Variants in CCDC81 observed in about 807,000 individuals in gnomAD.
CCDC81 encodes the protein coiled-coil domain containing 81.
Under a neutral mutation model 83.7 loss-of-function variants are expected in CCDC81, and 79 were observed. The observed-to-expected ratio is 0.94, with a 90% CI of 0.79 to 1.14. CCDC81 has a LOEUF of 1.14. Among genes scored for constraint, CCDC81 ranks in the 50% most tolerant of loss-of-function variants. CCDC81 has a pLI of 0.00. For synonymous variants in CCDC81, 252 were observed against 278.1 expected (o/e 0.91, Z 0.93); for missense variants, 791 against 778.1 (o/e 1.02, Z -0.20).
intron 13 of CCDC81, among the ~76,000 whole-genome samples, chr11:86,418,515 A>G (rs1461706600): frequency 2.0e-5 from 3 of 152,228 alleles, no homozygotes; most frequent in African/African-American, 7.2e-5. Flanking sequence ...TATACACTGT[A>G]CAATGGAATT....
Position 86,414,772 on chromosome 11 carries a change from T to G in CCDC81, c.1392-17T>G. 6.3e-7 allele frequency: 1 copy of G among 1,585,630 alleles called. No homozygotes were observed. Among genetic ancestry groups the G allele is most frequent in the Non-Finnish European group, 8.6e-7 (1 of 1,166,962 alleles). On this transcript the variant is annotated splice_polypyrimidine_tract_variant and intron_variant, in intron 11 of 14. Coordinates refer to ENST00000445632, the MANE Select transcript of CCDC81 (RefSeq NM_001156474.2). ...CTGCAAAACTGTGGTCCATCTTCTC[T>G]TGTTCTTAACTGCCAGACTTGCTGC...
chr11:86,386,663 T>C (rs2138500694), intron 2 of CCDC81, among the ~76,000 whole-genome samples: 1 of 152,326 alleles, frequency 6.6e-6, no homozygotes, highest in African/African-American at 2.4e-5. Context: ...CATTCAGAGG[T>C]CCTACTATGA....
chr11:86,400,445 G>A (rs548599576), intron 6 of CCDC81, among the ~76,000 whole-genome samples: 1 of 152,144 alleles, frequency 6.6e-6, no homozygotes, highest in Non-Finnish European at 1.5e-5. Context: ...GTTATATCCA[G>A]CCCACTTCCT....
intron 1 of CCDC81, among the ~76,000 whole-genome samples, chr11:86,382,264 T>C (rs1948186556): frequency 6.6e-6 from 1 of 152,150 alleles, no homozygotes; most frequent in South Asian, 2.1e-4. Context: ...AGAATACCTA[T>C]AGCAATAGTC....
chr11:86,421,931 A>C (rs576759), intron 14 of CCDC81, among the ~76,000 whole-genome samples: 1 of 148,998 alleles, frequency 6.7e-6, no homozygotes, highest in African/African-American at 2.5e-5. Flanking sequence ...AAAAAAATCC[A>C]CCCATGGAGA....
intron 4 of CCDC81, among the ~76,000 whole-genome samples, chr11:86,394,021 C>T (rs1948369918): frequency 6.6e-6 from 1 of 152,126 alleles, no homozygotes; most frequent in Non-Finnish European, 1.5e-5. Context: ...GTGTTTTCTA[C>T]ACAATCTGGT....
intron 6 of CCDC81, among the ~76,000 whole-genome samples, chr11:86,399,110 C>T (rs553850525): frequency 5.3e-5 from 8 of 152,262 alleles, no homozygotes; most frequent in African/African-American, 1.2e-4. Flanking sequence ...TAAAAGTTGA[C>T]GACTTTTGTT....
chr11:86,396,106 C>A (rs1022315322), intron 5 of CCDC81, among the ~76,000 whole-genome samples: 1 of 152,110 alleles, frequency 6.6e-6, no homozygotes, highest in African/African-American at 2.4e-5. Flanking sequence ...TGTCCTTGCT[C>A]GGATTTTTAC....
In CCDC81 at chr11:86,413,117, G is replaced by C. The variant is rs567397411; in HGVS notation, c.1391+558G>C. On this transcript the variant is annotated intron_variant, in intron 11 of 14. Coordinates refer to ENST00000445632, the MANE Select transcript of CCDC81 (RefSeq NM_001156474.2). ...CAGAAAGGAGATGGTATTCCCCTGA[G>C]TCGGGCTGCTGTGCGGCCCGGGTTC... 2.0e-5 allele frequency among the ~76,000 whole-genome samples: 3 copies of C among 152,252 alleles called. No homozygotes were observed. The South Asian group carries it at 6.2e-4, about 32-fold the overall frequency.
In CCDC81 at chr11:86,374,997, GAA is replaced by G; in HGVS notation, c.-163_-162del. 2.8e-6 allele frequency: 2 copies of G among 707,172 alleles called. No individual in the cohort carries two copies. The highest frequency in any genetic ancestry group is 3.1e-5 in the South Asian group (2 of 65,410). 43.8% of individuals were successfully genotyped at this position (707,172 alleles called of 1,614,324 possible). ...ATGTTTAAGTTTATTTAAGAAAGAA[GAA>G]AAAGAGTCAAGAAGTTCAAGATTTT... On this transcript the variant is annotated 5_prime_UTR_variant, in exon 1 of 15. Coordinates refer to ENST00000445632, the MANE Select transcript of CCDC81 (RefSeq NM_001156474.2).
intron 14 of CCDC81, among the ~76,000 whole-genome samples, chr11:86,421,910 C>CAAAA (rs558739434): frequency 5.6e-4 from 53 of 94,126 alleles, no homozygotes; most frequent in African/African-American, 1.6e-3. Flanking sequence ...GACCTAGTCT[C>CAAAA]AAAAAAAAAA....
At chr11:86,407,356 T>G (rs961819067) in intron 7 of CCDC81, among the ~76,000 whole-genome samples, 2 of 152,192 alleles carry the variant, frequency 1.3e-5, no homozygotes, top group African/African-American at 4.8e-5. Flanking sequence ...TTCACATGAC[T>G]GGTAACTGGG....
chr11:86,405,815 C>T (rs1258202317), intron 7 of CCDC81, among the ~76,000 whole-genome samples: 12 of 146,528 alleles, frequency 8.2e-5, no homozygotes, highest in East Asian at 7.9e-4. Flanking sequence ...CAGGCTGGAG[C>T]GCAGTGGCGT....
intron 1 of CCDC81, among the ~76,000 whole-genome samples, chr11:86,381,424 G>C (rs1565756995): frequency 6.6e-6 from 1 of 152,154 alleles, no homozygotes; most frequent in Non-Finnish European, 1.5e-5. Flanking sequence ...TGGGAATCTG[G>C]TTGAGCTCTG....
chr11:86,412,833 C>T (rs755404297), intron 11 of CCDC81, among the ~76,000 whole-genome samples: 8 of 152,098 alleles, frequency 5.3e-5, no homozygotes, highest in Non-Finnish European at 1.0e-4. Context: ...TCTGGCCACA[C>T]GGCAGTATCT....
At position 86,375,086 on chromosome 11, in the gene CCDC81, A is replaced by G. The variant is rs1190112580; in HGVS notation, c.-78A>G. 8 of 1,314,108 alleles carry G rather than the reference A, an allele frequency of 6.1e-6. No individual in the cohort carries two copies. The East Asian group carries it at 1.6e-4, about 26-fold the overall frequency. The allele number at this position is 1,314,108 out of a possible 1,614,324, so 81.4% of individuals were successfully genotyped here. ...TGGAGAAGGGGCTGGAGGGTGGGAA[A>G]ATTATTTTTGTGCACATTCCATATA... is the stretch of plus-strand genomic sequence containing the variant. On this transcript the variant is annotated 5_prime_UTR_variant, in exon 1 of 15. Coordinates refer to ENST00000445632, the MANE Select transcript of CCDC81 (RefSeq NM_001156474.2).
At chr11:86,379,114 T>G (rs1361835469) in intron 1 of CCDC81, among the ~76,000 whole-genome samples, 1 of 151,974 alleles carries the variant, frequency 6.6e-6, no homozygotes, top group Non-Finnish European at 1.5e-5. Flanking sequence ...TTTTTTTTTT[T>G]GAGACATAGT....
intron 3 of CCDC81, among the ~76,000 whole-genome samples, chr11:86,389,532 T>C (rs1039390283): frequency 1.5e-4 from 23 of 152,106 alleles, no homozygotes; most frequent in Non-Finnish European, 2.6e-4. Flanking sequence ...AAGCACATCT[T>C]ACCATGGCGG....
intron 13 of CCDC81, chr11:86,419,124 G>A (rs1299556793): frequency 1.3e-5 from 2 of 152,190 alleles, no homozygotes; most frequent in East Asian, 1.9e-4. Flanking sequence ...CCCAGTGGTC[G>A]TTGGTACCTG....
Sources: gnomAD v4.1 joint callset for allele counts (sites outside exome capture counted in the v4.1 genomes callset) on GRCh38, gnomAD v4.1.1 for gene constraint, MANE v1.5 for transcripts, NCBI Gene and HGNC (gene_info 2026-07-23, HGNC 2026-07-21) for gene names.